Variants in PANK1 observed in about 807,000 individuals in gnomAD.
The protein encoded by PANK1 is pantothenic acid kinase 1.
PANK1 carries 18 observed loss-of-function variants against 40.1 expected under a neutral mutation model. The observed-to-expected ratio is 0.45, with a 90% confidence interval of 0.31 to 0.67. The LOEUF is 0.67. Among genes scored for constraint, PANK1 ranks in the 30% least tolerant of loss-of-function variants. PANK1 has a pLI of 0.06. For missense variants in PANK1, 457 were observed against 599.6 expected, an observed-to-expected ratio of 0.76 and a Z score of 2.48; for synonymous variants, 242 against 237.7, an observed-to-expected ratio of 1.02 and a Z score of -0.17.
chr10:89,623,700 CT>C (rs1378013151), intron 1 of PANK1, among the ~76,000 whole-genome samples: 1 of 152,162 alleles, frequency 6.6e-6, no homozygotes, highest in Non-Finnish European at 1.5e-5. Context: ...CTTTCATTCC[CT>C]AACTCAACAA....
intron 1 of PANK1, among the ~76,000 whole-genome samples, chr10:89,623,172 TGTTTTTTTCTTC>T (rs1320943860): frequency 6.6e-6 from 1 of 152,182 alleles, no homozygotes; most frequent in Non-Finnish European, 1.5e-5. Context: ...ATTGGGGTGA[TGTTTTTTTCTTC>T]CTCTGGCTTT....
chr10:89,644,231 G>A (rs1842045360), intron 1 of PANK1, among the ~76,000 whole-genome samples: 1 of 152,104 alleles, frequency 6.6e-6, no homozygotes, highest in African/African-American at 2.4e-5. Context: ...TCGGTGTGCC[G>A]CCCACTTTAT....
At chr10:89,633,730 G>A (rs929094992) in intron 1 of PANK1, among the ~76,000 whole-genome samples, 2 of 152,132 alleles carry the variant, frequency 1.3e-5, no homozygotes, top group Non-Finnish European at 2.9e-5. Context: ...AATATCACAT[G>A]CAGAGTCTAG....
At chr10:89,596,542 G>A (rs1844614062) in intron 3 of PANK1, among the ~76,000 whole-genome samples, 1 of 152,192 alleles carries the variant, frequency 6.6e-6, no homozygotes, top group Non-Finnish European at 1.5e-5. Context: ...CTGCAGAAGA[G>A]CCAAATGTCT....
At chr10:89,599,231 C>A in intron 3 of PANK1, 21 bp downstream of exon 3, 4 of 1,605,276 alleles carry the variant, frequency 2.5e-6, no homozygotes, top group Non-Finnish European at 3.4e-6. Context: ...TGGGTTCAAG[C>A]ACAAGCAGAA....
intron 1 of PANK1, among the ~76,000 whole-genome samples, chr10:89,630,264 T>C (rs947524078): frequency 4.6e-5 from 7 of 152,192 alleles, no homozygotes; most frequent in Non-Finnish European, 8.8e-5. Flanking sequence ...AAGAAGTTTA[T>C]TCCAACGACT....
chr10:89,593,831 C>A lies in PANK1; in HGVS notation c.1058G>T (p.Gly353Val). Residue 353 changes from glycine (G) to valine (V), a missense_variant, in exon 4 of 7, where the codon GGA becomes GTA. By Grantham distance (109) the Gly-to-Val change is moderately radical. Transcript: ENST00000307534. ...TCTCTACCTTGATGCTACAGCAGAT[C>A]CTTGAAGGCCAAATCGTTCATAGTC... ...GGDYERFGLQ[G>V]SAVASSFGNM... 6.2e-7 allele frequency: 1 copy of A among 1,613,522 alleles called. No individual in the cohort carries two copies. Among genetic ancestry groups the A allele is most frequent in the Non-Finnish European group, 8.5e-7 (1 of 1,179,470 alleles).
chr10:89,603,453 C>T (rs913860452), intron 2 of PANK1, among the ~76,000 whole-genome samples: 25 of 152,122 alleles, frequency 1.6e-4, no homozygotes, highest in African/African-American at 6.0e-4. Flanking sequence ...GACTCAAACT[C>T]TGTAAATAAT....
At chr10:89,594,838 A>G (rs1844515759) in intron 3 of PANK1, among the ~76,000 whole-genome samples, 1 of 152,226 alleles carries the variant, frequency 6.6e-6, no homozygotes, top group Admixed American at 6.5e-5. Context: ...TACCTAATGG[A>G]AAGAAAAGCA....
chr10:89,581,380 G>A (rs1402167766), downstream of PANK1: 3 of 152,064 alleles, frequency 2.0e-5, no homozygotes, highest in Admixed American at 1.3e-4. Flanking sequence ...TCTAAAACTC[G>A]GGATCAGATG....
chr10:89,643,231 A>G (rs932023847), intron 1 of PANK1, among the ~76,000 whole-genome samples: 1 of 152,242 alleles, frequency 6.6e-6, no homozygotes, highest in Non-Finnish European at 1.5e-5. Flanking sequence ...TAGCTTCAAA[A>G]TAAGTGAAAC....
intron 6 of PANK1, 85 bp from the exon 7 acceptor site, chr10:89,584,550 C>T (rs900008386): frequency 1.2e-5 from 10 of 857,450 alleles, no homozygotes; most frequent in Admixed American, 4.1e-5. Context: ...CCACTAATAT[C>T]GATAAAAGAG....
At chr10:89,629,959 A>G (rs992784123) in intron 1 of PANK1, among the ~76,000 whole-genome samples, 3 of 152,220 alleles carry the variant, frequency 2.0e-5, no homozygotes, top group African/African-American at 7.2e-5. Flanking sequence ...TAAAAATCAA[A>G]CAAAAAACAT....
intron 1 of PANK1, among the ~76,000 whole-genome samples, chr10:89,627,602 G>C (rs987576739): frequency 6.6e-6 from 1 of 152,152 alleles, no homozygotes; most frequent in Non-Finnish European, 1.5e-5. Flanking sequence ...CAGCCCCCTT[G>C]GCACTTAAAT....
chr10:89,633,100 A>G (rs1841699775), intron 1 of PANK1, among the ~76,000 whole-genome samples: 1 of 152,082 alleles, frequency 6.6e-6, no homozygotes, highest in Admixed American at 6.6e-5. Context: ...CTGAAAATAA[A>G]GCCCTGATTT....
Position 89,644,726 on chromosome 10 carries a change from C to G in PANK1, c.166G>C (p.Ala56Pro). ...AGGAGCGGGAGGCGCTGGGGCGCCG[C>G]GTCGCTGCCGCCCACTGGACCCCGG... Reference protein sequence around the residue: ...CSRGPVGGSDAAPQRLPLLPE... With the variant: ...CSRGPVGGSDPAPQRLPLLPE... The change falls in exon 1 of 7, where the codon GCG (alanine) becomes CCG (proline). Residue 56 changes from alanine to proline, a missense_variant. By Grantham distance (27) the Ala-to-Pro change is conservative (BLOSUM62 -1). Around this residue, in one of 4 missense-constraint regions of PANK1, gnomAD observed 144 missense variants for 131.2 expected, o/e 1.10. Transcript: ENST00000307534. 6.5e-7 allele frequency: 1 copy of G among 1,529,068 alleles called. No homozygotes were observed. The highest frequency in any genetic ancestry group is 8.7e-7 in the Non-Finnish European group (1 of 1,144,544). The allele number at this position is 1,529,068 out of a possible 1,614,324, so 94.7% of individuals were successfully genotyped here. A position where few individuals can be genotyped will look rare whatever the true frequency, so the allele number is the denominator to read the frequency against.
At chr10:89,624,588 T>G (rs1373109664) in intron 1 of PANK1, among the ~76,000 whole-genome samples, 1 of 152,234 alleles carries the variant, frequency 6.6e-6, no homozygotes, top group Non-Finnish European at 1.5e-5. Flanking sequence ...CAATCACATT[T>G]CCATAAAGCA....
chr10:89,623,918 G>A (rs1299711810), intron 1 of PANK1, among the ~76,000 whole-genome samples: 1 of 152,166 alleles, frequency 6.6e-6, no homozygotes, highest in Admixed American at 6.5e-5. Context: ...GGCAAAAACT[G>A]TATGTTAAAC....
At chr10:89,585,752 T>C (rs1425511654) in intron 6 of PANK1, among the ~76,000 whole-genome samples, 1 of 152,152 alleles carries the variant, frequency 6.6e-6, no homozygotes, top group Non-Finnish European at 1.5e-5. Context: ...GTAACATTAG[T>C]TGAATGAATG....
Sources: gnomAD v4.1 joint callset for allele counts (sites outside exome capture counted in the v4.1 genomes callset) on GRCh38, gnomAD v4.1.1 for gene constraint, gnomAD v4.1.1 regional missense constraint, MANE v1.5 for transcripts, NCBI Gene and HGNC (gene_info 2026-07-23, HGNC 2026-07-21) for gene names.